The following HEATR5B variants were observed in gnomAD, a reference collection of about 807,000 sequenced individuals.
The protein encoded by HEATR5B is HEAT repeat-containing protein 5B.
Under a neutral mutation model 224.1 loss-of-function variants are expected in HEATR5B, and 156 were observed. The ratio of observed to expected loss-of-function variants is 0.70; its 90% CI spans 0.61 to 0.80. The LOEUF is 0.80. Ranked by LOEUF, HEATR5B falls within the 30% of genes least tolerant of loss-of-function variation. The pLI is 0.00. For synonymous variants in HEATR5B, 1,027 were observed against 893.0 expected (o/e 1.15, Z -2.68); for missense variants, 2,323 against 2,535.5 (o/e 0.92, Z 1.80).
intron 13 of HEATR5B, 24 bp from the exon 14 acceptor site, chr2:37,058,584 G>A: frequency 6.8e-7 from 1 of 1,478,580 alleles, no homozygotes; most frequent in East Asian, 2.3e-5. Context: ...AACATAGTTG[G>A]TAATGGCTTA....
chr2:37,024,491 G>T (rs1056083133), intron 24 of HEATR5B, among the ~76,000 whole-genome samples: 2 of 152,090 alleles, frequency 1.3e-5, no homozygotes, highest in African/African-American at 4.8e-5. Flanking sequence ...ACATCTTGTT[G>T]TACATGATAT....
At chr2:37,060,351 C>G (rs759126454) in intron 12 of HEATR5B, among the ~76,000 whole-genome samples, 5 of 151,986 alleles carry the variant, frequency 3.3e-5, no homozygotes, top group Non-Finnish European at 5.9e-5. Flanking sequence ...GGTTCTAGTT[C>G]CTGTCTAACC....
rs1300658346 is a variant in HEATR5B at position 37,057,195 on chromosome 2, G to A, written c.2223+122C>T. On this transcript the variant is annotated intron_variant, in intron 15 of 35. Coordinates refer to ENST00000233099, the MANE Select transcript of HEATR5B (RefSeq NM_019024.3). ...TACCACCAGGATGCCATCTTTAAGT[G>A]TCTAAGAACACTAAATGGGGATTAA... 1.5e-5 allele frequency: 10 copies of A among 674,536 alleles called. 1 individual carries two copies. The highest frequency in any genetic ancestry group is 1.1e-5 in the Non-Finnish European group (5 of 438,704). The allele number at this position is 674,536 out of a possible 1,614,324, so 41.8% of individuals were successfully genotyped here.
rs148283467 is a variant in HEATR5B at position 37,059,068 on chromosome 2, G to A, written c.1850-81C>T. ...ATTTATAAAATTGTATAAATATAAA[G>A]GCAGTTGTAATACTTAATTATTATA... On this transcript the variant is annotated intron_variant, in intron 12 of 35. Coordinates refer to ENST00000233099, the MANE Select transcript of HEATR5B (RefSeq NM_019024.3). The A allele has an allele frequency of 1.0e-3, 872 of 857,736 alleles. 9 individuals are homozygous for A. The African/African-American group carries it at 0.013, about 13-fold the overall frequency. 53.1% of individuals were successfully genotyped at this position (857,736 alleles called of 1,614,324 possible).
chr2:37,076,800 T>A (rs1195353129), intron 4 of HEATR5B, 111 bp downstream of exon 4: 2 of 738,636 alleles, frequency 2.7e-6, no homozygotes, highest in African/African-American at 3.6e-5. Context: ...AATTACCTCC[T>A]TGCTAAGCAA....
chr2:37,000,554 A>T (rs1667021857), intron 33 of HEATR5B, 32 bp downstream of exon 33: 1 of 1,561,732 alleles, frequency 6.4e-7, no homozygotes, highest in Admixed American at 1.7e-5. Flanking sequence ...ACATATCCTA[A>T]CTAACTAAAA....
intron 26 of HEATR5B, among the ~76,000 whole-genome samples, chr2:37,016,737 G>A (rs1026854272): frequency 5.9e-5 from 9 of 152,072 alleles, no homozygotes; most frequent in African/African-American, 1.9e-4. Context: ...CATGGCTAAT[G>A]GACTTGAGTT....
In HEATR5B at chr2:37,012,610, G is replaced by A. The variant is rs568183628; in HGVS notation, c.4284+1231C>T. 7.2e-5 allele frequency among the ~76,000 whole-genome samples: 11 copies of A among 152,180 alleles called. No homozygotes were observed. In the East Asian group the frequency reaches 1.2e-3, roughly 16 times the overall value. ...TCACCATATTGGCCAGGCTGGTCTCGAACTCCTGACCTCAGGTGATCCGCC... is the reference window on the plus strand; with the variant it reads ...TCACCATATTGGCCAGGCTGGTCTCAAACTCCTGACCTCAGGTGATCCGCC... On this transcript the variant is annotated intron_variant, in intron 27 of 35. Coordinates refer to ENST00000233099, the MANE Select transcript of HEATR5B (RefSeq NM_019024.3).
In HEATR5B at chr2:37,068,309, C is replaced by T. The variant is rs557241220; in HGVS notation, c.1177+372G>A. Among the ~76,000 whole-genome samples, 43 of 152,096 alleles carry T rather than the reference C, an allele frequency of 2.8e-4. 1 individual carries two copies. The South Asian group carries it at 7.5e-3, about 26-fold the overall frequency. On this transcript the variant is annotated intron_variant, in intron 8 of 35. Transcript: ENST00000233099. ...TCTCTAAGTTTTCATATTAAGCCTA[C>T]GAGGGGAGGAAAAGAAACAATAAAA... is the stretch of plus-strand genomic sequence containing the variant.
chr2:37,003,911 A>G (rs1035764690), intron 30 of HEATR5B, among the ~76,000 whole-genome samples: 2 of 152,192 alleles, frequency 1.3e-5, no homozygotes, highest in African/African-American at 2.4e-5. Context: ...TACATATTTA[A>G]ATGTGCTTTA....
At chr2:37,073,066 G>C (rs960530944) in intron 5 of HEATR5B, among the ~76,000 whole-genome samples, 2 of 152,168 alleles carry the variant, frequency 1.3e-5, no homozygotes, top group African/African-American at 4.8e-5. Flanking sequence ...AACTCTTCCA[G>C]AAAACTGAAG....
At chr2:37,027,101 G>T (rs1668827758) in intron 24 of HEATR5B, among the ~76,000 whole-genome samples, 1 of 152,180 alleles carries the variant, frequency 6.6e-6, no homozygotes, top group Non-Finnish European at 1.5e-5. Context: ...ACCGCACCCA[G>T]CCTGTTTGTT....
At chr2:37,029,931 C>A (rs1669016448) in intron 22 of HEATR5B, among the ~76,000 whole-genome samples, 1 of 79,670 alleles carries the variant, frequency 1.3e-5, no homozygotes, top group African/African-American at 7.0e-5. Context: ...GAGACTCTAT[C>A]TCAAAAAATA....
At position 37,068,938 on chromosome 2, in the gene HEATR5B, A is replaced by T. The variant is rs775596649; in HGVS notation, c.928-8T>A. 40 of 1,607,742 alleles carry T rather than the reference A, an allele frequency of 2.5e-5. No individual in the cohort carries two copies. The East Asian group carries it at 8.9e-4, about 36-fold the overall frequency. On this transcript the variant is annotated splice_polypyrimidine_tract_variant and splice_region_variant and intron_variant, in intron 7 of 35. Coordinates refer to ENST00000233099, the MANE Select transcript of HEATR5B (RefSeq NM_019024.3). ...CACAAAAACAACATACGCCTGTAAAAAGAGGAAGGTACGACTTCAGATACA... is the reference window on the plus strand; with the variant it reads ...CACAAAAACAACATACGCCTGTAAATAGAGGAAGGTACGACTTCAGATACA...
chr2:37,014,026 C>A lies in HEATR5B; in HGVS notation c.4105-6G>T. 6.7e-7 allele frequency: 1 copy of A among 1,497,988 alleles called. No homozygotes were observed. The highest frequency in any genetic ancestry group is 9.0e-7 in the Non-Finnish European group (1 of 1,114,784). The allele number at this position is 1,497,988 out of a possible 1,614,324, so 92.8% of individuals were successfully genotyped here. A position where few individuals can be genotyped will look rare whatever the true frequency, so the allele number is the denominator to read the frequency against. ...CCTATCCATGTACTACATACCTAGA[C>A]AAAGAGAATTCAAAAACTTTTGTGT... On this transcript the variant is annotated splice_polypyrimidine_tract_variant and splice_region_variant and intron_variant, in intron 26 of 35. Transcript: ENST00000233099.
At chr2:37,054,481 T>A (rs1289879159) in intron 16 of HEATR5B, among the ~76,000 whole-genome samples, 2 of 14,338 alleles carry the variant, frequency 1.4e-4, no homozygotes, top group Non-Finnish European at 2.1e-4. Context: ...GTGCTCTGCA[T>A]TTTTTTTTTT....
rs771666450 is a variant in HEATR5B at position 36,990,878 on chromosome 2, C to T, written c.5546-79G>A. ...ATTTTTTTATTTTTGTAGAGAGAGA[C>T]GTTGTCTTGCCATGTTGTCCAGGCT... On this transcript the variant is annotated intron_variant, in intron 33 of 35. Coordinates refer to ENST00000233099, the MANE Select transcript of HEATR5B (RefSeq NM_019024.3). 139 of 1,219,166 alleles carry T rather than the reference C, an allele frequency of 1.1e-4. 1 individual carries two copies. Among genetic ancestry groups the T allele is most frequent in the Non-Finnish European group, 1.5e-4 (130 of 890,826 alleles). The allele number at this position is 1,219,166 out of a possible 1,614,324, so 75.5% of individuals were successfully genotyped here.
Position 37,079,206 on chromosome 2 carries a change from A to G in HEATR5B, c.252T>C (p.Asp84=). 6.2e-7 allele frequency: 1 copy of G among 1,607,612 alleles called. No individual in the cohort carries two copies. Among genetic ancestry groups the G allele is most frequent in the Middle Eastern group, 1.7e-4 (1 of 6,026 alleles). The change falls in exon 3 of 36, where the codon GAT becomes GAC. Residue 84 remains aspartate, a synonymous_variant. Coordinates refer to ENST00000233099, the MANE Select transcript of HEATR5B (RefSeq NM_019024.3). The part of the protein sequence containing the change: ...KNLAALYSIG[D]TFTVFQTLDK... Reference sequence around the variant, plus strand: ...CAAGTGTCTGAAAAACTGTGAAAGTATCCCCAATGCTATAAAGGGCTGCGA... The same window carrying G: ...CAAGTGTCTGAAAAACTGTGAAAGTGTCCCCAATGCTATAAAGGGCTGCGA...
chr2:37,041,176 A>G lies in HEATR5B; in HGVS notation c.2813T>C (p.Ile938Thr). 1 of 1,614,160 alleles carries G rather than the reference A, an allele frequency of 6.2e-7. No individual in the cohort carries two copies. Among genetic ancestry groups the G allele is most frequent in the Non-Finnish European group, 8.5e-7 (1 of 1,180,012 alleles). ...CCCATCTTGTGCTAGAGCCAATAAA[A>G]TGCTGACACTGGTCTTCAGATGTTG... is the stretch of plus-strand genomic sequence containing the variant. ...SGQHLKTSVS[I>T]LLALAQDGTS... is the part of the protein sequence containing the mutation. The change falls in exon 19 of 36, where the codon ATT (isoleucine) becomes ACT (threonine). Residue 938 changes from isoleucine to threonine, a missense_variant. Ile to Thr is a moderately conservative substitution (Grantham distance 89). This residue lies in a region of HEATR5B where 11 missense variants were observed against 45.1 expected (regional missense o/e 0.24). Coordinates refer to ENST00000233099, the MANE Select transcript of HEATR5B (RefSeq NM_019024.3).
Sources: gnomAD v4.1 joint callset for allele counts (sites outside exome capture counted in the v4.1 genomes callset) on GRCh38, gnomAD v4.1.1 for gene constraint, gnomAD v4.1.1 regional missense constraint, MANE v1.5 for transcripts, NCBI Gene and HGNC (gene_info 2026-07-23, HGNC 2026-07-21) for gene names.